The following ZNF69 variants were observed in gnomAD, a reference collection of about 807,000 sequenced individuals.
The protein encoded by ZNF69 is ZNF3.
A neutral mutation model predicts 50.9 loss-of-function variants in ZNF69; 47 were observed. The ratio of observed to expected loss-of-function variants is 0.92; its 90% CI spans 0.73 to 1.18. ZNF69 has a LOEUF of 1.18. ZNF69 is among the 50% of genes most tolerant of loss of function. ZNF69 has a pLI of 0.00. For synonymous variants in ZNF69, 216 were observed against 223.1 expected (o/e 0.97, Z 0.29); for missense variants, 717 against 675.1 (o/e 1.06, Z -0.69).
chr19:11,903,429 G>T, intron 1 of ZNF69, 144 bp from the exon 2 acceptor site: 3 of 1,395,408 alleles, frequency 2.1e-6, no homozygotes, highest in Non-Finnish European at 2.9e-6. Flanking sequence ...ATTGCTTTAT[G>T]GAAGAAAGTA....
the ZNF69 span, among the ~76,000 whole-genome samples, chr19:11,924,808 G>C: frequency 3.3e-5 from 5 of 152,312 alleles, no homozygotes; most frequent in East Asian, 5.8e-4. Flanking sequence ...GCACACTCCT[G>C]TGACCCCGTG....
the ZNF69 span, among the ~76,000 whole-genome samples, chr19:11,925,800 TA>T: frequency 1.3e-5 from 2 of 152,214 alleles, no homozygotes; most frequent in Non-Finnish European, 2.9e-5. Context: ...TAAAGAAGTT[TA>T]TTCAGAGCCG....
chr19:11,977,089 G>A, the ZNF69 span: 2 of 1,614,146 alleles, frequency 1.2e-6, no homozygotes, highest in Non-Finnish European at 1.7e-6. Context: ...GGAGGAGTGG[G>A]CTTTGCTGGA....
chr19:11,891,731 G>C (rs961652744), intron 1 of ZNF69, among the ~76,000 whole-genome samples: 1 of 152,126 alleles, frequency 6.6e-6, no homozygotes, highest in South Asian at 2.1e-4. Context: ...AGGACATTCT[G>C]TTGTTGTGGG....
chr19:11,901,066 G>T (rs528269064), intron 1 of ZNF69, among the ~76,000 whole-genome samples: 1 of 152,012 alleles, frequency 6.6e-6, no homozygotes, highest in African/African-American at 2.4e-5. Context: ...CATTTGTTTT[G>T]TGCCACCATG....
the ZNF69 span, chr19:11,977,429 C>A: frequency 1.2e-6 from 2 of 1,613,784 alleles, no homozygotes; most frequent in Admixed American, 3.3e-5. Flanking sequence ...GGAGAAACTT[C>A]AGGTAATTGG....
the ZNF69 span, chr19:11,978,805 G>A: frequency 6.2e-7 from 1 of 1,614,168 alleles, no homozygotes; most frequent in East Asian, 2.2e-5. Flanking sequence ...AAATCCTTCA[G>A]TTGGTGTCAT....
At chr19:11,942,536 G>A in the ZNF69 span, among the ~76,000 whole-genome samples, 5 of 152,146 alleles carry the variant, frequency 3.3e-5, no homozygotes, top group African/African-American at 4.8e-5. Context: ...GGCCAGGAGC[G>A]TCAGCAGACT....
At chr19:11,903,868 A>G (rs1414660708) in intron 2 of ZNF69, 37 bp from the exon 3 acceptor site, 1 of 1,607,744 alleles carries the variant, frequency 6.2e-7, no homozygotes, top group Non-Finnish European at 8.5e-7. Context: ...ACAATTTTAT[A>G]CTGCCTCAGG....
chr19:11,956,883 C>A, the ZNF69 span, among the ~76,000 whole-genome samples: 2 of 151,954 alleles, frequency 1.3e-5, no homozygotes, highest in South Asian at 4.2e-4. Context: ...TGGTTCTTCC[C>A]ATGGTGCTCC....
chr19:11,917,499 G>A (rs903788784), downstream of ZNF69, among the ~76,000 whole-genome samples: 7 of 152,206 alleles, frequency 4.6e-5, no homozygotes, highest in African/African-American at 9.6e-5. Context: ...TTGAAAATGT[G>A]TAACTATTGG....
the ZNF69 span, among the ~76,000 whole-genome samples, chr19:11,955,543 G>A: frequency 6.7e-4 from 101 of 151,864 alleles, no homozygotes; most frequent in Admixed American, 6.4e-3. Context: ...ACAGGTGCAC[G>A]CCACCATGCC....
At chr19:11,964,935 G>A in the ZNF69 span, 38 of 446,278 alleles carry the variant, frequency 8.5e-5, no homozygotes, top group Non-Finnish European at 1.3e-4. Context: ...CAAGGCTTCC[G>A]CTGTCACTCA....
At chr19:11,950,529 T>A in the ZNF69 span, 2 of 616,812 alleles carry the variant, frequency 3.2e-6, no homozygotes, top group Admixed American at 4.6e-5. Flanking sequence ...AGTGAAACCC[T>A]ATGAATGTAA....
chr19:11,888,670 A>C (rs998498193), intron 1 of ZNF69, among the ~76,000 whole-genome samples: 5 of 152,164 alleles, frequency 3.3e-5, no homozygotes, highest in African/African-American at 1.2e-4. Flanking sequence ...TTCCTTAGGC[A>C]GAAAGGGAGG....
the ZNF69 span, among the ~76,000 whole-genome samples, chr19:11,972,870 C>T: frequency 6.6e-6 from 1 of 151,258 alleles, no homozygotes; most frequent in East Asian, 1.9e-4. Context: ...AGCAAGAGGA[C>T]AGCTTGAACT....
Position 11,903,960 on chromosome 19 carries a change from C to T in ZNF69, c.246C>T (p.Asn82=), listed in dbSNP as rs767872651. 1.2e-6 allele frequency: 2 copies of T among 1,613,722 alleles called. No individual in the cohort carries two copies. Among genetic ancestry groups the T allele is most frequent in the South Asian group, 1.1e-5 (1 of 91,048 alleles). The part of the protein sequence containing the change: ...IEYEYQNPRR[N]FRSLIEKKVN... ...ATGAGTACCAAAACCCCAGGAGAAA[C>T]TTCAGGTAATTTGTACTTACAAGAC... is the stretch of plus-strand genomic sequence containing the variant. The change falls in exon 3 of 4, where the codon AAC becomes AAT. Residue 82 remains asparagine, a synonymous_variant. Transcript: ENST00000429654.
chr19:11,968,561 G>C, the ZNF69 span, among the ~76,000 whole-genome samples: 1 of 152,154 alleles, frequency 6.6e-6, no homozygotes, highest in Non-Finnish European at 1.5e-5. Context: ...ATTTGTAGTG[G>C]TTTGCTTTTT....
At chr19:11,923,259 G>T in the ZNF69 span, among the ~76,000 whole-genome samples, 1 of 152,334 alleles carries the variant, frequency 6.6e-6, no homozygotes, top group South Asian at 2.1e-4. Context: ...AAGCAAGCTT[G>T]CCAGTGACCC....
Sources: allele counts gnomAD v4.1 joint callset (sites outside exome capture counted in the v4.1 genomes callset), GRCh38; gene constraint gnomAD v4.1.1; transcripts MANE v1.5; gene names NCBI Gene and HGNC (gene_info 2026-07-23, HGNC 2026-07-21).